MPDZ: variants seen among roughly 807,000 people sequenced by gnomAD.
The protein encoded by MPDZ is multiple PDZ domain protein.
A neutral mutation model predicts 239.1 loss-of-function variants in MPDZ; 234 were observed. The observed-to-expected ratio is 0.98, with a 90% confidence interval of 0.88 to 1.09. The LOEUF is 1.09. MPDZ is among the 50% of genes least tolerant of loss of function. The pLI, the probability that MPDZ is intolerant of heterozygous loss-of-function variation, is 0.00. For synonymous variants in MPDZ, 1,048 were observed against 881.3 expected (o/e 1.19, Z -3.35); for missense variants, 3,175 against 2,510.0 (o/e 1.26, Z -5.66).
At chr9:13,174,305 G>A (rs910572942) in intron 21 of MPDZ, among the ~76,000 whole-genome samples, 2 of 152,012 alleles carry the variant, frequency 1.3e-5, no homozygotes, top group African/African-American at 4.8e-5. Context: ...TTAAACTTGT[G>A]TTAAGAACAG....
intron 12 of MPDZ, among the ~76,000 whole-genome samples, chr9:13,203,421 C>T (rs1191003413): frequency 6.6e-6 from 1 of 152,082 alleles, no homozygotes; most frequent in Non-Finnish European, 1.5e-5. Flanking sequence ...AATTCATATT[C>T]AACCAACCTT....
At chr9:13,261,140 G>A (rs984555532) in intron 1 of MPDZ, among the ~76,000 whole-genome samples, 1 of 152,200 alleles carries the variant, frequency 6.6e-6, no homozygotes, top group South Asian at 2.1e-4. Context: ...GATAGAAGGT[G>A]GCTGAGTAAG....
rs762703048 is a variant in MPDZ, at chr9:13,119,637, T to C, written c.5244A>G (p.Gly1748=). ...LSIVGKRNDT[G]VFVSDIVKGG... is the part of the protein sequence containing the mutation. ...CTTTGACAATGTCTGACACAAATAC[T>C]CCAGTATCGTTTCTACACACAATTT... Residue 1748 remains glycine, a synonymous_variant, in exon 39 of 47, where the codon GGA becomes GGG. Coordinates refer to ENST00000319217, the MANE Select transcript of MPDZ (RefSeq NM_001378778.1). 1.2e-6 allele frequency: 2 copies of C among 1,613,950 alleles called. No homozygotes were observed. Among genetic ancestry groups the C allele is most frequent in the Admixed American group, 1.7e-5 (1 of 60,030 alleles).
intron 1 of MPDZ, among the ~76,000 whole-genome samples, chr9:13,270,798 G>T (rs1311111420): frequency 6.6e-6 from 1 of 152,024 alleles, no homozygotes; most frequent in South Asian, 2.1e-4. Flanking sequence ...AACTCTTGGG[G>T]TGTTTGATGA....
chr9:13,212,969 G>A (rs545627419), intron 10 of MPDZ, among the ~76,000 whole-genome samples: 105 of 151,976 alleles, frequency 6.9e-4, no homozygotes, highest in African/African-American at 2.3e-3. Flanking sequence ...TATCCTATAC[G>A]TATAAAGAGA....
In MPDZ at chr9:13,140,043, G is replaced by C. The variant is rs753716746; in HGVS notation, c.3947C>G (p.Ser1316Cys). ...AEMGSDHTQS[S>C]ASKISQDVDK... ...CACATCTTGTGAGATTTTGCTTGCA[G>C]ATGACTGTGTGTGATCACTACCCAT... Residue 1316 changes from serine (S) to cysteine (C), a missense_variant, in exon 28 of 47, where the codon TCT (serine) becomes TGT (cysteine). Ser to Cys is a moderately radical substitution (Grantham distance 112). Coordinates refer to ENST00000319217, the MANE Select transcript of MPDZ (RefSeq NM_001378778.1). The C allele has an allele frequency of 1.2e-6, 2 of 1,613,402 alleles. No homozygotes were observed. Among genetic ancestry groups the C allele is most frequent in the African/African-American group, 1.3e-5 (1 of 74,900 alleles).
intron 1 of MPDZ, among the ~76,000 whole-genome samples, chr9:13,251,128 C>CAAAAAAAAAAAAAAAAAAA (rs150252589): frequency 2.7e-5 from 1 of 36,458 alleles, no homozygotes; most frequent in Non-Finnish European, 4.8e-5. Context: ...GACTCCATCT[C>CAAAAAAAAAAAAAAAAAAA]AAAAAAAAAA....
At chr9:13,268,173 CACAT>C (rs1288385985) in intron 1 of MPDZ, among the ~76,000 whole-genome samples, 2 of 133,104 alleles carry the variant, frequency 1.5e-5, no homozygotes, top group Non-Finnish European at 3.4e-5. Context: ...TATATATACA[CACAT>C]AGAGAGAGAG....
intron 25 of MPDZ, 69 bp downstream of exon 25, chr9:13,150,442 T>A (rs576145834): frequency 3.0e-4 from 382 of 1,255,714 alleles, no homozygotes; most frequent in Non-Finnish European, 3.9e-4. Context: ...ATAATAATAG[T>A]AAAATTAAAA....
At chr9:13,269,207 T>C (rs1484475656) in intron 1 of MPDZ, among the ~76,000 whole-genome samples, 1 of 152,136 alleles carries the variant, frequency 6.6e-6, no homozygotes, top group Admixed American at 6.6e-5. Context: ...TCTGGGAAAC[T>C]AGAACTATCA....
intron 22 of MPDZ, chr9:13,165,377 G>A: frequency 6.5e-7 from 1 of 1,549,420 alleles, no homozygotes; most frequent in East Asian, 2.4e-5. Context: ...ACATAAAAGG[G>A]GGCTCGATCG....
chr9:13,196,482 T>C (rs1321431329), intron 12 of MPDZ, among the ~76,000 whole-genome samples: 1 of 152,200 alleles, frequency 6.6e-6, no homozygotes, highest in Non-Finnish European at 1.5e-5. Flanking sequence ...CCATGTATTA[T>C]CTAATTTTTA....
intron 12 of MPDZ, among the ~76,000 whole-genome samples, chr9:13,197,041 C>T (rs921644893): frequency 1.3e-5 from 2 of 151,788 alleles, no homozygotes; most frequent in African/African-American, 4.8e-5. Context: ...TTATTAGTTG[C>T]CTCCTCTTTT....
At position 13,221,355 on chromosome 9, in the gene MPDZ, C is replaced by A; in HGVS notation, c.876+17G>T. Reference sequence around the variant, plus strand: ...TATTTGATAAAATAGCATAAAAGATCTATTGATGTAGCCTACCTGATCAGC... The same window carrying A: ...TATTTGATAAAATAGCATAAAAGATATATTGATGTAGCCTACCTGATCAGC... On this transcript the variant is annotated intron_variant, in intron 7 of 46. Transcript: ENST00000319217. 6.3e-7 allele frequency: 1 copy of A among 1,582,606 alleles called. No individual in the cohort carries two copies. Among genetic ancestry groups the A allele is most frequent in the Non-Finnish European group, 8.6e-7 (1 of 1,164,898 alleles).
intron 28 of MPDZ, 95 bp downstream of exon 28, chr9:13,139,892 G>A: frequency 7.0e-7 from 1 of 1,418,908 alleles, no homozygotes; most frequent in South Asian, 1.2e-5. Context: ...TCACAAAGCT[G>A]CAACATACTT....
intron 42 of MPDZ, 73 bp from the exon 43 acceptor site, chr9:13,112,219 G>A: frequency 7.0e-7 from 1 of 1,419,656 alleles, no homozygotes; most frequent in Non-Finnish European, 9.5e-7. Flanking sequence ...TCTTTGGCAT[G>A]ATATCTATAG....
intron 3 of MPDZ, among the ~76,000 whole-genome samples, chr9:13,226,222 C>T (rs1435377720): frequency 3.3e-5 from 5 of 152,088 alleles, no homozygotes; most frequent in Admixed American, 3.3e-4. Context: ...CACGTAACAA[C>T]AACGGAAAAG....
At chr9:13,177,446 T>C (rs1952646319) in intron 19 of MPDZ, among the ~76,000 whole-genome samples, 1 of 152,174 alleles carries the variant, frequency 6.6e-6, no homozygotes, top group Non-Finnish European at 1.5e-5. Context: ...ATTTGCATAA[T>C]ATATACATAT....
rs760919260 is a variant in MPDZ, at chr9:13,140,170, C to T, written c.3841-21G>A. 13 of 1,611,034 alleles carry T rather than the reference C, an allele frequency of 8.1e-6. No homozygotes were observed. The Admixed American group carries it at 8.4e-5, about 10-fold the overall frequency. ...GGTGCCTGTGGGAACAAAAAGAATG[C>T]AGTGGGTTTGTACAGTCTAAGGAAG... On this transcript the variant is annotated intron_variant, in intron 27 of 46. Transcript: ENST00000319217.
Sources: allele counts gnomAD v4.1 joint callset (sites outside exome capture counted in the v4.1 genomes callset), GRCh38; gene constraint gnomAD v4.1.1; transcripts MANE v1.5; gene names NCBI Gene and HGNC (gene_info 2026-07-23, HGNC 2026-07-21).